ETV6: variants seen among roughly 807,000 people sequenced by gnomAD.
ETV6 encodes ETS variant transcription factor 6.
In ETV6, 16 loss-of-function variants were observed where a neutral mutation model predicts 51.1. That is an observed-to-expected ratio of 0.31 (90% CI 0.21 to 0.48). The LOEUF (loss-of-function observed/expected upper bound fraction) is 0.48, where lower values mean the gene tolerates loss of function less well. Ranked by LOEUF, ETV6 falls within the 20% of genes least tolerant of loss-of-function variation. The probability of loss-of-function intolerance (pLI) is 0.99; values close to 1 mark genes in which losing one functional copy is unlikely to be tolerated. For missense variants in ETV6, 458 were observed against 594.8 expected, an observed-to-expected ratio of 0.77 and a Z score of 2.39; for synonymous variants, 240 against 224.1, an observed-to-expected ratio of 1.07 and a Z score of -0.64.
In ETV6 at chr12:11,657,652, G is replaced by T. The variant is rs117535081; in HGVS notation, c.33+7492G>T. On this transcript the variant is annotated intron_variant, in intron 1 of 7. Coordinates refer to ENST00000396373, the MANE Select transcript of ETV6 (RefSeq NM_001987.5). ...TTGAGGCCTGATGGCCTCCCTGGGG[G>T]TATTTTCCCTTTGTATGTGGGAGTC... 3.1e-3 allele frequency among the ~76,000 whole-genome samples: 465 copies of T among 152,310 alleles called. 1 individual carries two copies. The highest frequency in any genetic ancestry group is 5.2e-3 in the Admixed American group (80 of 15,294).
At chr12:11,868,352 C>A (rs114038557) in intron 4 of ETV6, among the ~76,000 whole-genome samples, 1 of 151,712 alleles carries the variant, frequency 6.6e-6, no homozygotes, top group Non-Finnish European at 1.5e-5. Context: ...TCAGTTTTAT[C>A]ATCTGTAAAA....
At chr12:11,777,891 C>T (rs546747900) in intron 2 of ETV6, among the ~76,000 whole-genome samples, 9 of 152,154 alleles carry the variant, frequency 5.9e-5, no homozygotes, top group Admixed American at 2.0e-4. Flanking sequence ...GTGCTCTCAA[C>T]TTCCCTTAAC....
At chr12:11,741,293 C>T (rs1865804489) in intron 1 of ETV6, among the ~76,000 whole-genome samples, 1 of 152,222 alleles carries the variant, frequency 6.6e-6, no homozygotes, top group Admixed American at 6.5e-5. Context: ...ATTCCCCTCA[C>T]CCAGGGAACA....
In ETV6 at chr12:11,891,872, C is replaced by G; in HGVS notation, c.*826C>G. On this transcript the variant is annotated 3_prime_UTR_variant, in exon 8 of 8. Coordinates refer to ENST00000396373, the MANE Select transcript of ETV6 (RefSeq NM_001987.5). Reference sequence around the variant, plus strand: ...CCCATCTGAGGGAGGCCAAAATCATCACAGATGCTGCTGTGCTGCAGACAG... The same window carrying G: ...CCCATCTGAGGGAGGCCAAAATCATGACAGATGCTGCTGTGCTGCAGACAG... The G allele has an allele frequency of 3.3e-6, 1 of 306,124 alleles. No individual in the cohort carries two copies. The highest frequency in any genetic ancestry group is 6.3e-6 in the Non-Finnish European group (1 of 158,328). The allele number at this position is 306,124 out of a possible 1,614,324, so 19.0% of individuals were successfully genotyped here. A position where few individuals can be genotyped will look rare whatever the true frequency, so the allele number is the denominator to read the frequency against.
At chr12:11,818,855 ACCT>A (rs1243514616) in intron 2 of ETV6, among the ~76,000 whole-genome samples, 1 of 151,502 alleles carries the variant, frequency 6.6e-6, no homozygotes, top group Non-Finnish European at 1.5e-5. Context: ...AGGCAGCCTC[ACCT>A]CCTCCTGCAG....
chr12:11,697,824 C>G (rs1178250919), intron 1 of ETV6, among the ~76,000 whole-genome samples: 2 of 152,090 alleles, frequency 1.3e-5, no homozygotes, highest in Non-Finnish European at 2.9e-5. Context: ...TGCATGTGGG[C>G]TGTCTAATCT....
In ETV6 at chr12:11,859,279, C is replaced by T. The variant is rs111404191; in HGVS notation, c.463+5718C>T. 1.9e-3 allele frequency among the ~76,000 whole-genome samples: 286 copies of T among 151,458 alleles called. 1 individual carries two copies. The highest frequency in any genetic ancestry group is 6.7e-3 in the African/African-American group (277 of 41,182). On this transcript the variant is annotated intron_variant, in intron 4 of 7. Transcript: ENST00000396373. The stretch of plus-strand genomic sequence containing the variant: ...GCCTCAGCCTCCCAAGTAGCAGGGA[C>T]TACAGGCATCCGCCACCATGCCCGG...
At chr12:11,695,230 A>C (rs1396569931) in intron 1 of ETV6, among the ~76,000 whole-genome samples, 3 of 152,176 alleles carry the variant, frequency 2.0e-5, no homozygotes, top group Non-Finnish European at 4.4e-5. Context: ...AGATTTCTCC[A>C]CCTCACGTAA....
intron 1 of ETV6, among the ~76,000 whole-genome samples, chr12:11,658,531 G>A (rs997791219): frequency 1.3e-5 from 2 of 152,158 alleles, no homozygotes; most frequent in Non-Finnish European, 2.9e-5. Context: ...CACTGTCCCC[G>A]GCCCCCGGCC....
At chr12:11,883,290 T>C (rs1269517076) in intron 5 of ETV6, among the ~76,000 whole-genome samples, 50,523 of 114,284 alleles carry the variant, frequency 0.44, 12,783 homozygotes, top group South Asian at 0.62. Context: ...TTTTTTTTTT[T>C]TTTTTTTTTT....
At chr12:11,761,978 A>G (rs1349839826) in intron 2 of ETV6, among the ~76,000 whole-genome samples, 2 of 152,200 alleles carry the variant, frequency 1.3e-5, no homozygotes, top group East Asian at 3.9e-4. Context: ...TGGTACTTTC[A>G]TGACACAGGA....
At chr12:11,704,241 G>A (rs1237007389) in intron 1 of ETV6, among the ~76,000 whole-genome samples, 1 of 152,230 alleles carries the variant, frequency 6.6e-6, no homozygotes. Flanking sequence ...GAATCAGTGA[G>A]TAGTGAAGGT....
At position 11,677,920 on chromosome 12, in the gene ETV6, C is replaced by G. The variant is rs141574454; in HGVS notation, c.33+27760C>G. On this transcript the variant is annotated intron_variant, in intron 1 of 7. Coordinates refer to ENST00000396373, the MANE Select transcript of ETV6 (RefSeq NM_001987.5). ...GAGCGCCTCCCAGCGTCCTCTGGCA[C>G]AGGTAGGTGCTTCCCCTCGTGCAGT... Among the ~76,000 whole-genome samples, 19 of 152,360 alleles carry G rather than the reference C, an allele frequency of 1.2e-4. No homozygotes were observed. In the East Asian group the frequency reaches 3.7e-3, roughly 29 times the overall value.
chr12:11,698,496 C>G (rs1331532061), intron 1 of ETV6, among the ~76,000 whole-genome samples: 2 of 152,164 alleles, frequency 1.3e-5, no homozygotes, highest in African/African-American at 2.4e-5. Flanking sequence ...GGTTGTAGGA[C>G]AGAGGATTTT....
intron 7 of ETV6, among the ~76,000 whole-genome samples, chr12:11,888,080 T>C (rs1292639280): frequency 1.3e-5 from 2 of 152,248 alleles, no homozygotes; most frequent in African/African-American, 4.8e-5. Context: ...TGGAAGCTGA[T>C]GTCTGGACTT....
At chr12:11,795,060 C>G (rs955872716) in intron 2 of ETV6, among the ~76,000 whole-genome samples, 3 of 152,212 alleles carry the variant, frequency 2.0e-5, no homozygotes, top group African/African-American at 7.2e-5. Context: ...AAAGTCTGTT[C>G]AGGGATAGTC....
chr12:11,754,139 C>T (rs1200066651), intron 2 of ETV6, among the ~76,000 whole-genome samples: 2 of 152,222 alleles, frequency 1.3e-5, no homozygotes, highest in African/African-American at 2.4e-5. Flanking sequence ...ATGGAACATA[C>T]TCATGCCACA....
intron 2 of ETV6, among the ~76,000 whole-genome samples, chr12:11,788,015 C>A (rs1945514893): frequency 6.6e-6 from 1 of 152,106 alleles, no homozygotes; most frequent in African/African-American, 2.4e-5. Context: ...GAGTAAAGCA[C>A]AATAAGAAAA....
At chr12:11,741,652 T>C (rs1865814675) in intron 1 of ETV6, among the ~76,000 whole-genome samples, 1 of 152,166 alleles carries the variant, frequency 6.6e-6, no homozygotes. Flanking sequence ...CATATGTAGG[T>C]CAGGTAGTCA....
Sources: gnomAD v4.1 joint callset for allele counts (sites outside exome capture counted in the v4.1 genomes callset) on GRCh38, gnomAD v4.1.1 for gene constraint, MANE v1.5 for transcripts, NCBI Gene and HGNC (gene_info 2026-07-23, HGNC 2026-07-21) for gene names.